CETP: variants seen among roughly 807,000 people sequenced by gnomAD.
The protein encoded by CETP is BPI fold containing family F.
In CETP, 56 loss-of-function variants were observed where a neutral mutation model predicts 66.5. The ratio of observed to expected loss-of-function variants is 0.84; its 90% CI spans 0.68 to 1.05. The LOEUF (loss-of-function observed/expected upper bound fraction) is 1.05. CETP is among the 50% of genes least tolerant of loss of function. The probability of loss-of-function intolerance (pLI) is 0.00; values close to 1 mark genes in which losing one functional copy is unlikely to be tolerated. For synonymous variants in CETP, 251 were observed against 245.7 expected (o/e 1.02, Z -0.20); for missense variants, 612 against 609.6 (o/e 1.00, Z -0.04).
At chr16:56,966,904 G>C (rs570218060) in intron 2 of CETP, among the ~76,000 whole-genome samples, 1 of 151,474 alleles carries the variant, frequency 6.6e-6, no homozygotes, top group Non-Finnish European at 1.5e-5. Context: ...CGTGAGCCAC[G>C]GCCTGGCCCA....
chr16:56,972,079 A>T lies in CETP; in HGVS notation c.746A>T (p.His249Leu). The part of the protein sequence containing the change: ...VITASYLESH[H>L]KGHFIYKNVS... ...ACAGCCTCCTACCTGGAGTCCCATC[A>T]CAAGGTAGGAGTTGTGGGAGGGTGG... Residue 249 changes from histidine to leucine, a missense_variant, in exon 8 of 16, where the codon CAC (histidine) becomes CTC (leucine). Transcript: ENST00000200676. The T allele has an allele frequency of 6.2e-7, 1 of 1,612,694 alleles. No homozygotes were observed. The highest frequency in any genetic ancestry group is 8.5e-7 in the Non-Finnish European group (1 of 1,178,778).
chr16:56,970,929 A>G lies in CETP; in HGVS notation c.528-104A>G. 2.9e-6 allele frequency: 3 copies of G among 1,046,802 alleles called. No individual in the cohort carries two copies. The South Asian group carries it at 3.9e-5, about 13-fold the overall frequency. The allele number at this position is 1,046,802 out of a possible 1,614,324, so 64.8% of individuals were successfully genotyped here. On this transcript the variant is annotated intron_variant, in intron 5 of 15. Transcript: ENST00000200676. ...GATAATTCTTACTTCCTGAGCTACA[A>G]GAGTCAGGGCCAACAGAGCCATGAA...
At chr16:56,972,311 A>T (rs2056117640) in intron 8 of CETP, among the ~76,000 whole-genome samples, 1 of 152,254 alleles carries the variant, frequency 6.6e-6, no homozygotes, top group Admixed American at 6.5e-5. Context: ...GCCCACTACA[A>T]GGATCCCAGC....
chr16:56,973,304 T>C, intron 8 of CETP, 27 bp from the exon 9 acceptor site: 1 of 1,613,288 alleles, frequency 6.2e-7, no homozygotes, highest in South Asian at 1.1e-5. Context: ...ACACACAGGG[T>C]CCAGCCAGCG....
chr16:56,983,334 G>C lies in CETP; in HGVS notation c.1330G>C (p.Val444Leu), dbSNP rs1426140955. 1 of 1,614,114 alleles carries C rather than the reference G, an allele frequency of 6.2e-7. No individual in the cohort carries two copies. Among genetic ancestry groups the C allele is most frequent in the East Asian group, 2.2e-5 (1 of 44,904 alleles). The change falls in exon 15 of 16, where the codon GTA (valine) becomes CTA (leucine). Residue 444 changes from valine (V) to leucine (L), a missense_variant. Coordinates refer to ENST00000200676, the MANE Select transcript of CETP (RefSeq NM_000078.3). Reference sequence around the variant, plus strand: ...TCTGTCCCCTGCCCCAGGGCTCGAGGTAGTGTTTACAGCCCTCATGAACAG... The same window carrying C: ...TCTGTCCCCTGCCCCAGGGCTCGAGCTAGTGTTTACAGCCCTCATGAACAG... ...GIPEVMSRLE[V>L]VFTALMNSKG...
Position 56,969,647 on chromosome 16 carries a change from C to T in CETP, c.405C>T (p.Asp135=), listed in dbSNP as rs1263783569. The T allele has an allele frequency of 6.2e-7, 1 of 1,613,832 alleles. No individual in the cohort carries two copies. The highest frequency in any genetic ancestry group is 8.5e-7 in the Non-Finnish European group (1 of 1,179,930). The part of the protein sequence containing the change: ...GIDQSIDFEI[D]SAIDLQINTQ... The stretch of plus-strand genomic sequence containing the variant: ...ATCAGTCCATTGACTTCGAGATCGA[C>T]TCTGCCATTGACCTCCAGATCAACA... Residue 135 remains aspartate, a synonymous_variant, in exon 4 of 16, where the codon GAC becomes GAT. Coordinates refer to ENST00000200676, the MANE Select transcript of CETP (RefSeq NM_000078.3).
chr16:56,975,055 G>T, intron 9 of CETP, 46 bp from the exon 10 acceptor site: 1 of 1,593,182 alleles, frequency 6.3e-7, no homozygotes, highest in South Asian at 1.1e-5. Flanking sequence ...CTTCTGAGGA[G>T]TGGACTTTAC....
In CETP at chr16:56,978,111, C is replaced by A. The variant is rs770138577; in HGVS notation, c.1002C>A (p.Ser334Arg). 9 of 1,614,246 alleles carry A rather than the reference C, an allele frequency of 5.6e-6. No homozygotes were observed. The highest frequency in any genetic ancestry group is 7.6e-6 in the Non-Finnish European group (9 of 1,180,036). The change falls in exon 11 of 16, where the codon AGC becomes AGA. Residue 334 changes from serine (S) to arginine (R), a missense_variant. By Grantham distance (110) the Ser-to-Arg change is moderately radical. Coordinates refer to ENST00000200676, the MANE Select transcript of CETP (RefSeq NM_000078.3). ...CACAGGTTGTCGGCGGCTTCCCCAG[C>A]CAGGCCCAAGTCACCGTCCACTGCC... ...IFQEVVGGFP[S>R]QAQVTVHCLK...
chr16:56,981,316 G>A, intron 12 of CETP, 91 bp downstream of exon 12: 9 of 1,059,624 alleles, frequency 8.5e-6, no homozygotes, highest in Admixed American at 1.7e-5. Context: ...TGTTGGTGGG[G>A]AAATGTGGCC....
chr16:56,963,193 C>G (rs1465110052), intron 2 of CETP, 69 bp downstream of exon 2: 4 of 1,307,720 alleles, frequency 3.1e-6, no homozygotes, highest in Non-Finnish European at 4.4e-6. Flanking sequence ...GGGCTTGCCC[C>G]CAGCCCACAG....
At chr16:56,977,264 G>C (rs1392359701) in intron 10 of CETP, among the ~76,000 whole-genome samples, 2 of 152,088 alleles carry the variant, frequency 1.3e-5, no homozygotes, top group Non-Finnish European at 2.9e-5. Context: ...CTTTTCTTGT[G>C]TATCCAGCGG....
intron 5 of CETP, among the ~76,000 whole-genome samples, chr16:56,970,746 C>G (rs2056103590): frequency 6.6e-6 from 1 of 152,178 alleles, no homozygotes; most frequent in Non-Finnish European, 1.5e-5. Flanking sequence ...GACTCTGGAG[C>G]AGACGGATAC....
intron 9 of CETP, among the ~76,000 whole-genome samples, chr16:56,974,879 G>A (rs2056138448): frequency 6.6e-6 from 1 of 152,224 alleles, no homozygotes; most frequent in South Asian, 2.1e-4. Context: ...AGGTCACACA[G>A]CATGTGTGGG....
chr16:56,973,456 G>A lies in CETP; in HGVS notation c.876G>A (p.Lys292=). 6.2e-7 allele frequency: 1 copy of A among 1,614,232 alleles called. No individual in the cohort carries two copies. The highest frequency in any genetic ancestry group is 8.5e-7 in the Non-Finnish European group (1 of 1,180,048). Residue 292 remains lysine (K), a synonymous_variant, in exon 9 of 16, where the codon AAG becomes AAA. Transcript: ENST00000200676. The part of the protein sequence containing the change: ...FSERVFHSLA[K]VAFQDGRLML... ...AGCGAGTCTTCCACTCGCTGGCCAA[G>A]GTAGCTTTCCAGGATGGCCGCCTCA...
At chr16:56,969,807 AG>A (rs1198157280) in intron 4 of CETP, 106 bp from the exon 5 acceptor site, 8 of 1,540,136 alleles carry the variant, frequency 5.2e-6, no homozygotes, top group Non-Finnish European at 7.1e-6. Context: ...GGAAGTTTGC[AG>A]GGGTGGGGAC....
rs1185029639 is a variant in CETP at position 56,969,635 on chromosome 16, C to G, written c.393C>G (p.Asp131Glu). ...GGCTGGGTATTGATCAGTCCATTGA[C>G]TTCGAGATCGACTCTGCCATTGACC... ...AWWLGIDQSI[D>E]FEIDSAIDLQ... Residue 131 changes from aspartate (D) to glutamate (E), a missense_variant, in exon 4 of 16, where the codon GAC becomes GAG. Coordinates refer to ENST00000200676, the MANE Select transcript of CETP (RefSeq NM_000078.3). The G allele has an allele frequency of 1.9e-6, 3 of 1,614,080 alleles. No individual in the cohort carries two copies. Among genetic ancestry groups the G allele is most frequent in the Non-Finnish European group, 1.7e-6 (2 of 1,180,048 alleles).
At chr16:56,981,327 C>T in intron 12 of CETP, 102 bp downstream of exon 12, 1 of 995,504 alleles carries the variant, frequency 1.0e-6, no homozygotes, top group South Asian at 1.3e-5. Flanking sequence ...AAATGTGGCC[C>T]CTTTCTTCTG....
At chr16:56,982,124 T>C in intron 13 of CETP, 41 bp from the exon 14 acceptor site, 1 of 1,586,894 alleles carries the variant, frequency 6.3e-7, no homozygotes, top group Non-Finnish European at 8.7e-7. Context: ...GGGTCACTTC[T>C]GTGCTCCAGG....
At chr16:56,981,262 C>G (rs757331349) in intron 12 of CETP, 37 bp downstream of exon 12, 8 of 1,510,466 alleles carry the variant, frequency 5.3e-6, no homozygotes, top group African/African-American at 1.4e-5. Flanking sequence ...CGGTCAACTC[C>G]GCAAACCTCT....
Sources: gnomAD v4.1 joint callset for allele counts (sites outside exome capture counted in the v4.1 genomes callset) on GRCh38, gnomAD v4.1.1 for gene constraint, MANE v1.5 for transcripts, NCBI Gene and HGNC (gene_info 2026-07-23, HGNC 2026-07-21) for gene names.